Variants in BLTP3B observed in about 807,000 individuals in gnomAD.
The protein encoded by BLTP3B is UHRF1 (ICBP90) binding protein 1-like.
the BLTP3B span, chr12:100,070,267 G>C: frequency 9.4e-5 from 127 of 1,355,522 alleles, no homozygotes; most frequent in East Asian, 1.7e-3. Context: ...AATGCCAGAA[G>C]GTTTTTTATT....
chr12:100,127,148 C>T, the BLTP3B span, among the ~76,000 whole-genome samples: 1 of 151,960 alleles, frequency 6.6e-6, no homozygotes, highest in Admixed American at 6.6e-5. Context: ...CACGAGCAAG[C>T]GTCTCAGAGG....
chr12:100,062,855 C>T, the BLTP3B span, among the ~76,000 whole-genome samples: 9 of 151,602 alleles, frequency 5.9e-5, no homozygotes, highest in South Asian at 2.1e-4. Context: ...TAGCTACTAG[C>T]GAGGCTGAGG....
chr12:100,051,317 ACT>A, the BLTP3B span: 2 of 1,104,078 alleles, frequency 1.8e-6, no homozygotes, highest in Non-Finnish European at 2.5e-6. Flanking sequence ...TATCCCTTCA[ACT>A]CTTTCTCAAG....
At chr12:100,074,517 T>TGAA in the BLTP3B span, among the ~76,000 whole-genome samples, 1 of 151,286 alleles carries the variant, frequency 6.6e-6, no homozygotes, top group East Asian at 1.9e-4. Context: ...AAAAATCGCT[T>TGAA]GAACTCGGGA....
the BLTP3B span, among the ~76,000 whole-genome samples, chr12:100,104,188 TG>T: frequency 6.7e-6 from 1 of 149,236 alleles, no homozygotes; most frequent in African/African-American, 2.5e-5. Flanking sequence ...GAATAGAAAT[TG>T]TAAGTTCTTT....
the BLTP3B span, among the ~76,000 whole-genome samples, chr12:100,131,490 T>C: frequency 2.6e-5 from 4 of 152,024 alleles, no homozygotes; most frequent in Admixed American, 2.6e-4. Flanking sequence ...AGAAAAATAG[T>C]AAATATGCAT....
At chr12:100,062,704 G>A in the BLTP3B span, among the ~76,000 whole-genome samples, 6 of 152,286 alleles carry the variant, frequency 3.9e-5, no homozygotes, top group South Asian at 8.3e-4. Flanking sequence ...TCTCATGTCT[G>A]TAATCCCAGC....
At chr12:100,128,548 A>G in the BLTP3B span, 4 of 1,179,586 alleles carry the variant, frequency 3.4e-6, no homozygotes, top group East Asian at 1.7e-4. Context: ...AGAATGAAAA[A>G]AAAAAAAAAG....
the BLTP3B span, among the ~76,000 whole-genome samples, chr12:100,100,345 C>T: frequency 0.015 from 2,314 of 151,716 alleles, 23 homozygotes; most frequent in Middle Eastern, 0.038. Context: ...AAAAAACGCT[C>T]TTCTCATTCT....
chr12:100,122,501 T>C, the BLTP3B span, among the ~76,000 whole-genome samples: 1 of 152,344 alleles, frequency 6.6e-6, no homozygotes, highest in South Asian at 2.1e-4. Flanking sequence ...GAGCATTTAC[T>C]AGGCATTGTA....
chr12:100,141,320 A>G, the BLTP3B span, among the ~76,000 whole-genome samples: 1 of 152,048 alleles, frequency 6.6e-6, no homozygotes, highest in Non-Finnish European at 1.5e-5. Flanking sequence ...TCTCTACTAA[A>G]AAAATACTAC....
At chr12:100,050,208 G>C in the BLTP3B span, 1 of 1,593,264 alleles carries the variant, frequency 6.3e-7, no homozygotes, top group Non-Finnish European at 8.5e-7. Context: ...GGCTGATATT[G>C]CCTAATTGGT....
the BLTP3B span, among the ~76,000 whole-genome samples, chr12:100,083,854 G>C: frequency 6.6e-6 from 1 of 152,158 alleles, no homozygotes; most frequent in African/African-American, 2.4e-5. Context: ...GCCTATGTTG[G>C]TCTGAGCAAA....
At chr12:100,069,156 G>A in the BLTP3B span, among the ~76,000 whole-genome samples, 2 of 152,148 alleles carry the variant, frequency 1.3e-5, no homozygotes, top group Non-Finnish European at 2.9e-5. Flanking sequence ...AGGTTACAGT[G>A]AGCCTAGATC....
chr12:100,058,995 C>A, the BLTP3B span: 2 of 1,614,104 alleles, frequency 1.2e-6, no homozygotes, highest in Non-Finnish European at 1.7e-6. Flanking sequence ...CTTCAATCGG[C>A]CAGCCAGATC....
At chr12:100,116,226 T>C in the BLTP3B span, among the ~76,000 whole-genome samples, 43,146 of 149,996 alleles carry the variant, frequency 0.29, 9,301 homozygotes, top group African/African-American at 0.61. Flanking sequence ...GCTGTAATCC[T>C]GACACTTTGG....
the BLTP3B span, chr12:100,070,154 C>T: frequency 6.4e-7 from 1 of 1,567,286 alleles, no homozygotes; most frequent in Non-Finnish European, 8.7e-7. Context: ...GTTTTCTCAT[C>T]TGCTTAGGAA....
the BLTP3B span, among the ~76,000 whole-genome samples, chr12:100,118,863 G>A: frequency 6.6e-6 from 1 of 152,170 alleles, no homozygotes; most frequent in Non-Finnish European, 1.5e-5. Context: ...AGCACTGTGG[G>A]AGGCCAAGGC....
At chr12:100,061,126 T>A in the BLTP3B span, among the ~76,000 whole-genome samples, 1 of 152,152 alleles carries the variant, frequency 6.6e-6, no homozygotes, top group South Asian at 2.1e-4. Flanking sequence ...ATCAGAGACA[T>A]GCAATTGTGA....
Sources: gnomAD v4.1 joint callset for allele counts (sites outside exome capture counted in the v4.1 genomes callset) on GRCh38, gnomAD v4.1.1 for gene constraint, MANE v1.5 for transcripts, NCBI Gene and HGNC (gene_info 2026-07-23, HGNC 2026-07-21) for gene names.